Variants in NBPF8 observed in about 807,000 individuals in gnomAD.
NBPF8 encodes the protein NBPF family member NBPF8.
rs1476103930 is a variant in NBPF8 at position 120,465,480 on chromosome 1, A to G, written n.3568+109A>G. 43 of 488,268 alleles carry G rather than the reference A, an allele frequency of 8.8e-5. 5 individuals are homozygous for G. In the Admixed American group the frequency reaches 1.2e-3, roughly 13 times the overall value. 30.2% of individuals were successfully genotyped at this position (488,268 alleles called of 1,614,324 possible). A position where few individuals can be genotyped will look rare whatever the true frequency, so the allele number is the denominator to read the frequency against. On this transcript the variant is annotated intron_variant and non_coding_transcript_variant, in intron 24 of 24. Coordinates refer to ENST00000583271, the Ensembl canonical transcript of NBPF8. Reference sequence around the variant, plus strand: ...TCACGTTTTCAACGAAGACTGAATTACTCCTACTGTCATTGCTGTTGGTTT... The same window carrying G: ...TCACGTTTTCAACGAAGACTGAATTGCTCCTACTGTCATTGCTGTTGGTTT...
intron 15 of NBPF8, among the ~76,000 whole-genome samples, chr1:120,454,499 T>A (rs1553249450): frequency 5.9e-5 from 9 of 151,278 alleles, no homozygotes; most frequent in African/African-American, 9.8e-5. Flanking sequence ...GTATTTGGAA[T>A]TATTGTTCCC....
chr1:120,431,169 G>A (rs1660862561), intron 3 of NBPF8, among the ~76,000 whole-genome samples: 1 of 147,226 alleles, frequency 6.8e-6, no homozygotes, highest in African/African-American at 2.5e-5. Context: ...GAAGAGAAGA[G>A]AGAATCCAGA....
chr1:120,420,469 C>T (rs2101442596), intron 1 of NBPF8, among the ~76,000 whole-genome samples: 2 of 149,730 alleles, frequency 1.3e-5, no homozygotes, highest in East Asian at 3.9e-4. Flanking sequence ...CTGCCGTCCC[C>T]TTTCACCTGC....
At chr1:120,433,433 A>G (rs1660943505), upstream of NBPF8, 1 of 152,700 alleles carries the variant, frequency 6.5e-6, no homozygotes, top group Non-Finnish European at 1.5e-5. Context: ...TTTTTTATTC[A>G]TAAAAAATCC....
chr1:120,421,991 C>G (rs1660590077), intron 1 of NBPF8, among the ~76,000 whole-genome samples: 2 of 151,798 alleles, frequency 1.3e-5, no homozygotes, highest in East Asian at 1.9e-4. Context: ...TGGTGCACTT[C>G]AATGCCAAGT....
exon 1 of NBPF8, chr1:120,436,553 G>A (rs1553247791): frequency 3.3e-5 from 49 of 1,484,462 alleles, no homozygotes; most frequent in African/African-American, 5.5e-5. Context: ...TTGGTCCAGC[G>A]AGAAGGCAGA....
intron 18 of NBPF8, 33 bp from the exon 17 acceptor site, chr1:120,461,221 T>C: frequency 1.7e-6 from 1 of 600,662 alleles, no homozygotes; most frequent in Non-Finnish European, 3.0e-6. Flanking sequence ...TGATTCCCCA[T>C]GGCTTATTCT....
At chr1:120,463,052 C>A (rs1281254843) in intron 21 of NBPF8, 86 bp downstream of exon 19, 135,033 of 634,510 alleles carry the variant, frequency 0.21, 14,965 homozygotes, top group Non-Finnish European at 0.25. Context: ...CCCTTACTGA[C>A]CCGAGAGATG....
At chr1:120,425,121 C>CA (rs1299935823) in intron 1 of NBPF8, among the ~76,000 whole-genome samples, 6 of 151,768 alleles carry the variant, frequency 4.0e-5, no homozygotes, top group African/African-American at 1.5e-4. Context: ...GTCTGAAATA[C>CA]AGCCTCGTGG....
intron 1 of NBPF8, among the ~76,000 whole-genome samples, chr1:120,420,500 T>C (rs1311439098): frequency 6.6e-6 from 1 of 150,542 alleles, no homozygotes; most frequent in African/African-American, 2.5e-5. Context: ...TCAGCTTTCA[T>C]GGCTCACCCC....
At chr1:120,450,077 A>C (rs1383695516) in intron 11 of NBPF8, among the ~76,000 whole-genome samples, 1 of 151,964 alleles carries the variant, frequency 6.6e-6, no homozygotes, top group Non-Finnish European at 1.5e-5. Context: ...AAATACAAAA[A>C]GTAGATGGGC....
upstream of NBPF8, among the ~76,000 whole-genome samples, chr1:120,419,394 A>G (rs1660511729): frequency 1.3e-5 from 2 of 152,108 alleles, no homozygotes; most frequent in South Asian, 4.1e-4. Flanking sequence ...TTAATTCCCT[A>G]ACAGAAAGAA....
intron 1 of NBPF8, among the ~76,000 whole-genome samples, chr1:120,420,732 TG>T (rs1431902840): frequency 1.4e-5 from 2 of 144,590 alleles, no homozygotes; most frequent in African/African-American, 5.4e-5. Context: ...GTGGAATTCT[TG>T]GTTCCCCAGG....
downstream of NBPF8, among the ~76,000 whole-genome samples, chr1:120,468,255 GT>G (rs1173187627): frequency 2.7e-5 from 4 of 150,636 alleles, no homozygotes; most frequent in East Asian, 2.0e-4. Flanking sequence ...CCCTACCTTG[GT>G]TTTTGGTTTA....
In NBPF8 at chr1:120,460,470, T is replaced by G. The variant is rs9424636; in HGVS notation, n.2785-103T>G. The G allele has an allele frequency of 7.3e-4, 596 of 819,316 alleles. 6 individuals are homozygous for G. The highest frequency in any genetic ancestry group is 3.6e-4 in the Admixed American group (21 of 58,988). 50.8% of individuals were successfully genotyped at this position (819,316 alleles called of 1,614,324 possible). On this transcript the variant is annotated intron_variant and non_coding_transcript_variant, in intron 17 of 24. Coordinates refer to ENST00000583271, the Ensembl canonical transcript of NBPF8. Reference sequence around the variant, plus strand: ...TCTCTCAAAGTCTCCTGTTCTCACATTGACAAGACTGATGTCCCTGTGTTA... The same window carrying G: ...TCTCTCAAAGTCTCCTGTTCTCACAGTGACAAGACTGATGTCCCTGTGTTA...
At chr1:120,449,967 T>A in intron 11 of NBPF8, among the ~76,000 whole-genome samples, 1 of 152,090 alleles carries the variant, frequency 6.6e-6, no homozygotes, top group East Asian at 1.9e-4. Context: ...GGTGGCTCAC[T>A]CCTGTAATCC....
At chr1:120,462,108 C>A (rs1661607140) in intron 19 of NBPF8, 38 bp from the exon 18 acceptor site, 1 of 310,326 alleles carries the variant, frequency 3.2e-6, no homozygotes, top group Non-Finnish European at 5.6e-6. Flanking sequence ...GTAGGAGAAC[C>A]AGCTTAATAT....
chr1:120,468,799 T>A (rs1433229008), downstream of NBPF8, among the ~76,000 whole-genome samples: 5 of 151,542 alleles, frequency 3.3e-5, no homozygotes, highest in African/African-American at 9.7e-5. Flanking sequence ...TAGTTTTGCC[T>A]GGGTTCTATC....
At chr1:120,418,069 C>T (rs1660475505), upstream of NBPF8, among the ~76,000 whole-genome samples, 1 of 26,064 alleles carries the variant, frequency 3.8e-5, no homozygotes. Context: ...TCTGGACCAA[C>T]CTGGGCAATA....
Sources: gnomAD v4.1 joint callset for allele counts (sites outside exome capture counted in the v4.1 genomes callset) on GRCh38, gnomAD v4.1.1 for gene constraint, MANE v1.5 for transcripts, NCBI Gene and HGNC (gene_info 2026-07-23, HGNC 2026-07-21) for gene names.